C22orf39: variants seen among roughly 807,000 people sequenced by gnomAD.
The protein encoded by C22orf39 is chromosome 22 open reading frame 39.
A neutral mutation model predicts 18.3 loss-of-function variants in C22orf39; 20 were observed. The ratio of observed to expected loss-of-function variants is 1.09; its 90% CI spans 0.77 to 1.59. C22orf39 has a LOEUF of 1.59. Among genes scored for constraint, C22orf39 ranks in the 40% most tolerant of loss-of-function variants. The pLI is 0.00. For missense variants in C22orf39, 195 were observed against 156.1 expected, an observed-to-expected ratio of 1.25 and a Z score of -1.33; for synonymous variants, 63 against 59.6, an observed-to-expected ratio of 1.06 and a Z score of -0.26.
Position 19,441,943 on chromosome 22 carries a change from C to A in C22orf39, c.*2322G>T, listed in dbSNP as rs779724498. The A allele has an allele frequency of 9.8e-5, 43 of 436,972 alleles. No homozygotes were observed. The highest frequency in any genetic ancestry group is 1.2e-3 in the Middle Eastern group (2 of 1,682). The allele number at this position is 436,972 out of a possible 1,614,324, so 27.1% of individuals were successfully genotyped here. On this transcript the variant is annotated 3_prime_UTR_variant, in exon 3 of 3. Coordinates refer to ENST00000399562, the MANE Select transcript of C22orf39 (RefSeq NM_173793.5). ...CGAAGTAGCTGGAACTACAAATGCA[C>A]GCCACCATGCATAGCTCATTTATTT...
In C22orf39 at chr22:19,442,039, C is replaced by T. The variant is rs917455494; in HGVS notation, c.*2226G>A. ...CTCCTGGGCTCAAGCAATCCTCCCA[C>T]CTCAGCCTCCCAAAGTGCTGGGATA... is the stretch of plus-strand genomic sequence containing the variant. On this transcript the variant is annotated 3_prime_UTR_variant, in exon 3 of 3. Coordinates refer to ENST00000399562, the MANE Select transcript of C22orf39 (RefSeq NM_173793.5). The T allele has an allele frequency of 1.6e-5, 3 of 188,498 alleles. No homozygotes were observed. Among genetic ancestry groups the T allele is most frequent in the Non-Finnish European group, 3.3e-5 (3 of 91,232 alleles). 11.7% of individuals were successfully genotyped at this position (188,498 alleles called of 1,614,324 possible). A position where few individuals can be genotyped will look rare whatever the true frequency, so the allele number is the denominator to read the frequency against.
intron 2 of C22orf39, among the ~76,000 whole-genome samples, chr22:19,446,080 G>A (rs1470294368): frequency 1.3e-5 from 2 of 152,178 alleles, no homozygotes; most frequent in East Asian, 3.9e-4. Flanking sequence ...GCCTCCCAAA[G>A]TGCCGAGATT....
Position 19,442,460 on chromosome 22 carries a change from G to T in C22orf39, c.*1805C>A, listed in dbSNP as rs2089618440. 1 of 152,358 alleles carries T rather than the reference G, an allele frequency of 6.6e-6. No homozygotes were observed. The highest frequency in any genetic ancestry group is 2.1e-4 in the South Asian group (1 of 4,838). The allele number at this position is 152,358 out of a possible 1,614,324, so 9.4% of individuals were successfully genotyped here. On this transcript the variant is annotated 3_prime_UTR_variant, in exon 3 of 3. Coordinates refer to ENST00000399562, the MANE Select transcript of C22orf39 (RefSeq NM_173793.5). Reference sequence around the variant, plus strand: ...ACTGAGGGGAAGCCCCTCATGGACTGGGGTGCTGGCTGGCATGCCCTGGCT... The same window carrying T: ...ACTGAGGGGAAGCCCCTCATGGACTTGGGTGCTGGCTGGCATGCCCTGGCT...
chr22:19,443,240 C>CT lies in C22orf39; in HGVS notation c.*1024dup, dbSNP rs1201920328. Reference sequence around the variant, plus strand: ...AATTAAAAGATATTCAACTTGCTGCCTGTGTCCAGGAAGAGAGCAGGGAGG... The same window carrying CT: ...AATTAAAAGATATTCAACTTGCTGCCTTGTGTCCAGGAAGAGAGCAGGGAGG... On this transcript the variant is annotated 3_prime_UTR_variant, in exon 3 of 3. Transcript: ENST00000399562. The CT allele has an allele frequency of 2.4e-5, 24 of 985,362 alleles. No individual in the cohort carries two copies. The highest frequency in any genetic ancestry group is 2.9e-5 in the Non-Finnish European group (24 of 829,964). The allele number at this position is 985,362 out of a possible 1,614,324, so 61.0% of individuals were successfully genotyped here.
In C22orf39 at chr22:19,441,753, C is replaced by A; in HGVS notation, c.*2512G>T. ...TACAGTATTTGTTTTCTTCATACCA[C>A]CACCATAAAATACCAAACTGCTTCA... On this transcript the variant is annotated 3_prime_UTR_variant, in exon 3 of 3. Coordinates refer to ENST00000399562, the MANE Select transcript of C22orf39 (RefSeq NM_173793.5). 1 of 1,514,634 alleles carries A rather than the reference C, an allele frequency of 6.6e-7. No homozygotes were observed. The highest frequency in any genetic ancestry group is 8.8e-7 in the Non-Finnish European group (1 of 1,129,984). 93.8% of individuals were successfully genotyped at this position (1,514,634 alleles called of 1,614,324 possible).
At position 19,443,916 on chromosome 22, in the gene C22orf39, T is replaced by C. The variant is rs979539419; in HGVS notation, c.*349A>G. On this transcript the variant is annotated 3_prime_UTR_variant, in exon 3 of 3. Transcript: ENST00000399562. ...TGACCCACCTGTGTGTCCACACAGG[T>C]CAGGGCTACCCTTCAGTTTACCTGA... The C allele has an allele frequency of 9.6e-7, 1 of 1,036,504 alleles. No individual in the cohort carries two copies. Among genetic ancestry groups the C allele is most frequent in the Non-Finnish European group, 1.2e-6 (1 of 863,674 alleles). 64.2% of individuals were successfully genotyped at this position (1,036,504 alleles called of 1,614,324 possible). A position where few individuals can be genotyped will look rare whatever the true frequency, so the allele number is the denominator to read the frequency against.
rs2146276363 is a variant in C22orf39 at position 19,443,839 on chromosome 22, C to T, written c.*426G>A. The T allele has an allele frequency of 2.0e-6, 2 of 986,624 alleles. No homozygotes were observed. The highest frequency in any genetic ancestry group is 1.7e-5 in the African/African-American group (1 of 57,254). The allele number at this position is 986,624 out of a possible 1,614,324, so 61.1% of individuals were successfully genotyped here. A position where few individuals can be genotyped will look rare whatever the true frequency, so the allele number is the denominator to read the frequency against. On this transcript the variant is annotated 3_prime_UTR_variant, in exon 3 of 3. Transcript: ENST00000399562. ...ACCTGGGACGTGGCAGGCAGTTTCC[C>T]AAGGACTAGGAAAGACATTCACAGT...
intron 2 of C22orf39, 148 bp from the exon 3 acceptor site, chr22:19,444,538 T>A: frequency 1.3e-6 from 1 of 745,706 alleles, no homozygotes; most frequent in Non-Finnish European, 2.0e-6. Flanking sequence ...TTCCACCTAC[T>A]ATACCTTGGC....
chr22:19,447,692 T>C lies in C22orf39; in HGVS notation c.-4A>G. 6.2e-7 allele frequency: 1 copy of C among 1,609,052 alleles called. No individual in the cohort carries two copies. The highest frequency in any genetic ancestry group is 8.5e-7 in the Non-Finnish European group (1 of 1,178,434). On this transcript the variant is annotated 5_prime_UTR_variant, in exon 1 of 3. Transcript: ENST00000399562. ...GCCAGCCGCTGCCGTCCGCCATGTCTGGGCGACCGGCGCGCCAAGCCCGCC... is the reference window on the plus strand; with the variant it reads ...GCCAGCCGCTGCCGTCCGCCATGTCCGGGCGACCGGCGCGCCAAGCCCGCC...
chr22:19,447,693 G>A lies in C22orf39; in HGVS notation c.-5C>T. The A allele has an allele frequency of 8.1e-6, 13 of 1,609,494 alleles. No homozygotes were observed. Among genetic ancestry groups the A allele is most frequent in the Non-Finnish European group, 1.1e-5 (13 of 1,178,426 alleles). On this transcript the variant is annotated 5_prime_UTR_variant, in exon 1 of 3. Coordinates refer to ENST00000399562, the MANE Select transcript of C22orf39 (RefSeq NM_173793.5). ...CCAGCCGCTGCCGTCCGCCATGTCTGGGCGACCGGCGCGCCAAGCCCGCCC... is the reference window on the plus strand; with the variant it reads ...CCAGCCGCTGCCGTCCGCCATGTCTAGGCGACCGGCGCGCCAAGCCCGCCC...
At position 19,444,456 on chromosome 22, in the gene C22orf39, C is replaced by A. The variant is rs113884318; in HGVS notation, c.193-66G>T. On this transcript the variant is annotated intron_variant, in intron 2 of 2. Coordinates refer to ENST00000399562, the MANE Select transcript of C22orf39 (RefSeq NM_173793.5). ...ACCCTCAAGACCCCTGTACCTCCCC[C>A]CTCTCATCACCCTCTGAAACACAGA... is the stretch of plus-strand genomic sequence containing the variant. 1.4e-4 allele frequency: 211 copies of A among 1,516,892 alleles called. 1 individual carries two copies. Among genetic ancestry groups the A allele is most frequent in the African/African-American group, 5.6e-4 (40 of 70,964 alleles). The allele number at this position is 1,516,892 out of a possible 1,614,324, so 94.0% of individuals were successfully genotyped here.
chr22:19,443,892 G>A lies in C22orf39; in HGVS notation c.*373C>T. On this transcript the variant is annotated 3_prime_UTR_variant, in exon 3 of 3. Coordinates refer to ENST00000399562, the MANE Select transcript of C22orf39 (RefSeq NM_173793.5). ...CACAACTGTTTAGCTACCTCATTAT[G>A]ACCCACCTGTGTGTCCACACAGGTC... The A allele has an allele frequency of 4.0e-6, 4 of 1,007,826 alleles. No homozygotes were observed. Among genetic ancestry groups the A allele is most frequent in the Non-Finnish European group, 4.7e-6 (4 of 845,174 alleles). The allele number at this position is 1,007,826 out of a possible 1,614,324, so 62.4% of individuals were successfully genotyped here. A position where few individuals can be genotyped will look rare whatever the true frequency, so the allele number is the denominator to read the frequency against.
At position 19,443,368 on chromosome 22, in the gene C22orf39, G is replaced by T; in HGVS notation, c.*897C>A. ...AATAAACAGACCTCTTCAAGAAATAGTGTTTTTGGTGGTTCATACATTTTA... is the reference window on the plus strand; with the variant it reads ...AATAAACAGACCTCTTCAAGAAATATTGTTTTTGGTGGTTCATACATTTTA... On this transcript the variant is annotated 3_prime_UTR_variant, in exon 3 of 3. Coordinates refer to ENST00000399562, the MANE Select transcript of C22orf39 (RefSeq NM_173793.5). The T allele has an allele frequency of 1.0e-6, 1 of 985,668 alleles. No homozygotes were observed. Among genetic ancestry groups the T allele is most frequent in the African/African-American group, 1.7e-5 (1 of 57,360 alleles). The allele number at this position is 985,668 out of a possible 1,614,324, so 61.1% of individuals were successfully genotyped here. A position where few individuals can be genotyped will look rare whatever the true frequency, so the allele number is the denominator to read the frequency against.
chr22:19,447,353 G>A (rs1484894764), intron 2 of C22orf39, 25 bp downstream of exon 2: 2 of 1,453,158 alleles, frequency 1.4e-6, no homozygotes, highest in South Asian at 1.4e-5. Context: ...GCTCCGAAGC[G>A]CCGCCCCGCT....
chr22:19,447,298 G>C (rs1248236357), intron 2 of C22orf39, 80 bp downstream of exon 2: 2 of 1,340,226 alleles, frequency 1.5e-6, no homozygotes, highest in East Asian at 3.1e-5. Flanking sequence ...CTAGGTCGCG[G>C]GGCATGGGGC....
In C22orf39 at chr22:19,441,714, G is replaced by A. The variant is rs1294843457; in HGVS notation, c.*2551C>T. On this transcript the variant is annotated 3_prime_UTR_variant, in exon 3 of 3. Coordinates refer to ENST00000399562, the MANE Select transcript of C22orf39 (RefSeq NM_173793.5). Reference sequence around the variant, plus strand: ...TAGCACCTGTCCAAAAAGTTTGAAAGATATTGCTCTTATTACAGTATTTGT... The same window carrying A: ...TAGCACCTGTCCAAAAAGTTTGAAAAATATTGCTCTTATTACAGTATTTGT... 11 of 1,548,924 alleles carry A rather than the reference G, an allele frequency of 7.1e-6. No homozygotes were observed. The highest frequency in any genetic ancestry group is 9.6e-6 in the Non-Finnish European group (11 of 1,145,736).
At chr22:19,447,643 G>T (rs2089650923) in intron 1 of C22orf39, 22 bp downstream of exon 1, 1 of 1,608,150 alleles carries the variant, frequency 6.2e-7, no homozygotes, top group African/African-American at 1.3e-5. Flanking sequence ...GGTGGTTCCC[G>T]GCTCCGACCC....
In C22orf39 at chr22:19,444,149, G is replaced by A. The variant is rs1487176383; in HGVS notation, c.*116C>T. 2.1e-6 allele frequency: 3 copies of A among 1,417,308 alleles called. No individual in the cohort carries two copies. The highest frequency in any genetic ancestry group is 1.8e-6 in the Non-Finnish European group (2 of 1,094,940). 87.8% of individuals were successfully genotyped at this position (1,417,308 alleles called of 1,614,324 possible). ...AATGTCCTGCTCCATGTTCCTGTGA[G>A]CAAGAGCTCACAGGGACCCACCAGA... On this transcript the variant is annotated 3_prime_UTR_variant, in exon 3 of 3. Transcript: ENST00000399562.
rs2146279132 is a variant in C22orf39, at chr22:19,447,538, C to CGCGGCGGCTGCGGCGAGAG, written c.25-12_31dup (p.Arg11ProfsTer65). ...CTCGGCGCGGTAGGCCTCGCAGGGG[C>CGCGGCGGCTGCGGCGAGAG]GCGGCGGCTGCGGCGAGAGGCGGCG... On this transcript the variant is annotated frameshift_variant, in exon 2 of 3. Transcript: ENST00000399562. LOFTEE classifies it high-confidence loss of function. 1 of 1,440,410 alleles carries CGCGGCGGCTGCGGCGAGAG rather than the reference C, an allele frequency of 6.9e-7. No individual in the cohort carries two copies. Among genetic ancestry groups the CGCGGCGGCTGCGGCGAGAG allele is most frequent in the East Asian group, 2.9e-5 (1 of 34,096 alleles). 89.2% of individuals were successfully genotyped at this position (1,440,410 alleles called of 1,614,324 possible).
Sources: allele counts gnomAD v4.1 joint callset (sites outside exome capture counted in the v4.1 genomes callset), GRCh38; gene constraint gnomAD v4.1.1; transcripts MANE v1.5; gene names NCBI Gene and HGNC (gene_info 2026-07-23, HGNC 2026-07-21).